GADL1: variants seen among roughly 807,000 people sequenced by gnomAD.
GADL1 encodes acidic amino acid decarboxylase GADL1.
GADL1 carries 71 observed loss-of-function variants against 69.5 expected under a neutral mutation model. The observed-to-expected ratio is 1.02, with a 90% CI of 0.84 to 1.25. The LOEUF (loss-of-function observed/expected upper bound fraction) is 1.25, where lower values mean the gene tolerates loss of function less well. Ranked by LOEUF, GADL1 falls within the 50% of genes most tolerant of loss-of-function variation. The pLI is 0.00. For synonymous variants in GADL1, 254 were observed against 214.4 expected (o/e 1.18, Z -1.62); for missense variants, 737 against 631.8 (o/e 1.17, Z -1.79).
intron 12 of GADL1, among the ~76,000 whole-genome samples, chr3:30,797,444 C>CA (rs1249366985): frequency 6.6e-6 from 1 of 152,138 alleles, no homozygotes; most frequent in Non-Finnish European, 1.5e-5. Context: ...GCATGTAGGA[C>CA]ATCCCAGGCA....
chr3:30,796,826 G>A (rs535246180), intron 12 of GADL1, among the ~76,000 whole-genome samples: 1 of 151,966 alleles, frequency 6.6e-6, no homozygotes, highest in African/African-American at 2.4e-5. Context: ...GCTTACTACC[G>A]AGAGTCCTCA....
chr3:30,878,390 A>G (rs1698603953), intron 1 of GADL1, among the ~76,000 whole-genome samples: 1 of 151,924 alleles, frequency 6.6e-6, no homozygotes, highest in African/African-American at 2.4e-5. Flanking sequence ...GTGATGGAGA[A>G]CATGAGCAAG....
At chr3:30,886,345 C>T (rs1416794319) in intron 1 of GADL1, among the ~76,000 whole-genome samples, 1 of 152,026 alleles carries the variant, frequency 6.6e-6, no homozygotes, top group Admixed American at 6.6e-5. Context: ...TTCTGCACAC[C>T]AAAAGACAAG....
chr3:30,851,980 C>T (rs1323368930), intron 4 of GADL1, among the ~76,000 whole-genome samples: 3 of 152,090 alleles, frequency 2.0e-5, no homozygotes, highest in South Asian at 2.1e-4. Context: ...GACTACATAT[C>T]TATGATCTCC....
intron 3 of GADL1, among the ~76,000 whole-genome samples, chr3:30,856,539 T>C (rs918257626): frequency 6.6e-6 from 1 of 152,110 alleles, no homozygotes; most frequent in Non-Finnish European, 1.5e-5. Context: ...ATCAAATAGT[T>C]TGGCAATTAC....
chr3:30,776,179 T>C (rs1205544389), intron 14 of GADL1, among the ~76,000 whole-genome samples: 3 of 152,226 alleles, frequency 2.0e-5, no homozygotes, highest in African/African-American at 4.8e-5. Flanking sequence ...GTCTGTCTAG[T>C]TATTCTAATC....
intron 1 of GADL1, among the ~76,000 whole-genome samples, chr3:30,875,911 A>G (rs1698570771): frequency 6.6e-6 from 1 of 151,918 alleles, no homozygotes; most frequent in South Asian, 2.1e-4. Context: ...AGCCCATTTC[A>G]CTATCACAGT....
At chr3:30,763,943 G>GA (rs1305389900) in intron 14 of GADL1, among the ~76,000 whole-genome samples, 5 of 151,722 alleles carry the variant, frequency 3.3e-5, no homozygotes, top group African/African-American at 7.3e-5. Flanking sequence ...TAATAAAAAG[G>GA]AAAAAATCTT....
intron 13 of GADL1, among the ~76,000 whole-genome samples, chr3:30,786,091 T>C (rs993570501): frequency 3.9e-5 from 6 of 152,198 alleles, no homozygotes; most frequent in Non-Finnish European, 7.3e-5. Flanking sequence ...AAGATAGAGG[T>C]CATAATTTAT....
At chr3:30,794,813 G>C (rs746802692) in intron 12 of GADL1, among the ~76,000 whole-genome samples, 13 of 152,184 alleles carry the variant, frequency 8.5e-5, no homozygotes, top group Admixed American at 5.9e-4. Flanking sequence ...GATCGGTGCA[G>C]TGATCATTGG....
At chr3:30,841,640 C>T (rs2125527390) in intron 8 of GADL1, among the ~76,000 whole-genome samples, 1 of 152,086 alleles carries the variant, frequency 6.6e-6, no homozygotes, top group South Asian at 2.1e-4. Context: ...TAGTAGAATG[C>T]CTGACAATAA....
In GADL1 at chr3:30,757,533, G is replaced by GT. The variant is rs560034755; in HGVS notation, c.1392+20645dup. On this transcript the variant is annotated intron_variant, in intron 14 of 14. Transcript: ENST00000282538. ...GGCTGTGTACAGCCTTAAAGCTAAT[G>GT]TAATGCTATTAGTAAATATTGAGGA... Among the ~76,000 whole-genome samples the GT allele has an allele frequency of 1.5e-3, 222 of 152,306 alleles. 1 individual carries two copies. The highest frequency in any genetic ancestry group is 5.2e-3 in the African/African-American group (215 of 41,570).
chr3:30,797,800 A>G (rs1279673847), intron 12 of GADL1: 1 of 152,104 alleles, frequency 6.6e-6, no homozygotes. Context: ...AAAGCAAAAA[A>G]TCCAGGTTTT....
At chr3:30,764,714 C>A (rs1696227646) in intron 14 of GADL1, among the ~76,000 whole-genome samples, 1 of 152,206 alleles carries the variant, frequency 6.6e-6, no homozygotes, top group Non-Finnish European at 1.5e-5. Context: ...ACATGATAGA[C>A]ATGATTAGTA....
chr3:30,888,886 TAGAA>T (rs921833076), intron 1 of GADL1, among the ~76,000 whole-genome samples: 1 of 151,694 alleles, frequency 6.6e-6, no homozygotes, highest in Non-Finnish European at 1.5e-5. Context: ...AACCAGATGT[TAGAA>T]AGAAAACAAT....
chr3:30,757,930 A>G (rs1449475079), intron 14 of GADL1, among the ~76,000 whole-genome samples: 1 of 152,218 alleles, frequency 6.6e-6, no homozygotes, highest in Non-Finnish European at 1.5e-5. Flanking sequence ...ATAAATGCAG[A>G]TAACACTTAT....
intron 14 of GADL1, among the ~76,000 whole-genome samples, chr3:30,751,554 C>T (rs546479780): frequency 6.0e-4 from 91 of 150,556 alleles, no homozygotes; most frequent in Non-Finnish European, 8.1e-4. Flanking sequence ...CTGGAAATAT[C>T]TAGTAGACTA....
intron 14 of GADL1, among the ~76,000 whole-genome samples, chr3:30,743,342 C>T (rs1029686392): frequency 3.9e-5 from 6 of 152,144 alleles, no homozygotes; most frequent in Non-Finnish European, 8.8e-5. Context: ...TTTATAACTC[C>T]AGCAAATAGG....
chr3:30,758,650 GGAA>G (rs1291101419), intron 14 of GADL1, among the ~76,000 whole-genome samples: 2 of 152,162 alleles, frequency 1.3e-5, no homozygotes, highest in African/African-American at 4.8e-5. Context: ...TCAACTTGGT[GGAA>G]GAAGAGAGTA....
Sources: allele counts gnomAD v4.1 joint callset (sites outside exome capture counted in the v4.1 genomes callset), GRCh38; gene constraint gnomAD v4.1.1; transcripts MANE v1.5; gene names NCBI Gene and HGNC (gene_info 2026-07-23, HGNC 2026-07-21).